Variants in TRAPPC9 observed in about 807,000 individuals in gnomAD.
The protein encoded by TRAPPC9 is IKK2 binding protein.
A neutral mutation model predicts 124.0 loss-of-function variants in TRAPPC9; 83 were observed. That is an observed-to-expected ratio of 0.67 (90% CI 0.56 to 0.80). The LOEUF (loss-of-function observed/expected upper bound fraction) is 0.80, where lower values mean the gene tolerates loss of function less well. Ranked by LOEUF, TRAPPC9 falls within the 30% of genes least tolerant of loss-of-function variation. The probability of loss-of-function intolerance (pLI) is 0.00; values close to 1 mark genes in which losing one functional copy is unlikely to be tolerated. For missense variants in TRAPPC9, 1,302 were observed against 1,508.3 expected, an observed-to-expected ratio of 0.86 and a Z score of 2.27; for synonymous variants, 638 against 617.5, an observed-to-expected ratio of 1.03 and a Z score of -0.49.
At chr8:140,116,417 G>C (rs999904303) in intron 17 of TRAPPC9, among the ~76,000 whole-genome samples, 7 of 152,108 alleles carry the variant, frequency 4.6e-5, no homozygotes, top group African/African-American at 1.4e-4. Context: ...TTCTCTCCTT[G>C]TGAAATTTCA....
intron 17 of TRAPPC9, among the ~76,000 whole-genome samples, chr8:140,125,255 A>G (rs1036631547): frequency 1.3e-5 from 2 of 152,164 alleles, no homozygotes; most frequent in African/African-American, 4.8e-5. Context: ...CTCGGAGGGA[A>G]CCACCAAGCT....
intron 17 of TRAPPC9, among the ~76,000 whole-genome samples, chr8:140,200,007 G>A (rs1365365037): frequency 6.6e-6 from 1 of 152,162 alleles, no homozygotes; most frequent in African/African-American, 2.4e-5. Context: ...AGTTGGTAAA[G>A]CTGCTTCTCA....
At chr8:140,426,707 A>C in intron 4 of TRAPPC9, 66 bp from the exon 5 acceptor site, 2 of 1,474,492 alleles carry the variant, frequency 1.4e-6, no homozygotes, top group Non-Finnish European at 1.9e-6. Flanking sequence ...AATAACTACT[A>C]AAACACATTT....
intron 5 of TRAPPC9, among the ~76,000 whole-genome samples, chr8:140,422,228 G>C (rs9644530): frequency 6.6e-6 from 1 of 150,470 alleles, no homozygotes; most frequent in Non-Finnish European, 1.5e-5. Context: ...CTGTCTCCTA[G>C]AATCGTGAAG....
At chr8:140,234,403 C>A (rs1207156688) in intron 16 of TRAPPC9, among the ~76,000 whole-genome samples, 1 of 152,242 alleles carries the variant, frequency 6.6e-6, no homozygotes, top group Non-Finnish European at 1.5e-5. Context: ...CAGTACTGCA[C>A]AGGCCATTCC....
chr8:139,835,181 G>A (rs1456876530), intron 21 of TRAPPC9, among the ~76,000 whole-genome samples: 1 of 152,212 alleles, frequency 6.6e-6, no homozygotes, highest in Non-Finnish European at 1.5e-5. Context: ...AAATAGGGGA[G>A]TTGGAGGCAA....
chr8:140,357,245 G>C lies in TRAPPC9; in HGVS notation c.1495+2805C>G, dbSNP rs74561012. Among the ~76,000 whole-genome samples, 803 of 152,244 alleles carry C rather than the reference G, an allele frequency of 5.3e-3. 8 individuals carry two copies. Among genetic ancestry groups the C allele is most frequent in the Middle Eastern group, 0.037 (11 of 294 alleles). ...CCCAAGAGGAGTCACATGGTGAAGG[G>C]GCAGGGTGTGGGGACAGGGGAGGTG... On this transcript the variant is annotated intron_variant, in intron 9 of 22. Transcript: ENST00000438773.
At chr8:140,278,229 G>A (rs529381449) in intron 14 of TRAPPC9, among the ~76,000 whole-genome samples, 158 of 152,154 alleles carry the variant, frequency 1.0e-3, no homozygotes, top group African/African-American at 3.5e-3. Flanking sequence ...TCAGCCTCCC[G>A]AGTAGCTGGG....
intron 14 of TRAPPC9, among the ~76,000 whole-genome samples, chr8:140,279,200 T>C (rs1034128694): frequency 6.6e-6 from 1 of 152,242 alleles, no homozygotes; most frequent in Non-Finnish European, 1.5e-5. Flanking sequence ...CAGGGCCAGT[T>C]AGCAAATTTG....
chr8:140,249,589 C>T (rs1475332204), intron 16 of TRAPPC9, among the ~76,000 whole-genome samples: 1 of 142,772 alleles, frequency 7.0e-6, no homozygotes, highest in Non-Finnish European at 1.5e-5. Flanking sequence ...GGCAAATCAT[C>T]TTTCACTCTT....
At chr8:139,834,300 A>G (rs1013654877) in intron 21 of TRAPPC9, among the ~76,000 whole-genome samples, 3 of 152,202 alleles carry the variant, frequency 2.0e-5, no homozygotes, top group Admixed American at 6.5e-5. Flanking sequence ...GGCAGCAGAA[A>G]CCTGACGCAA....
At chr8:139,879,944 G>C (rs1368888100) in intron 21 of TRAPPC9, among the ~76,000 whole-genome samples, 2 of 152,192 alleles carry the variant, frequency 1.3e-5, no homozygotes, top group African/African-American at 4.8e-5. Flanking sequence ...GAGACCAGAA[G>C]CAGGTCTGTG....
rs909480122 is a variant in TRAPPC9 at position 140,385,963 on chromosome 8, G to T, written c.1134+11657C>A. ...ATCCAGCAGCACATCAAAAAGCTTA[G>T]CCACCATGATCAAGTGGGCTTCATC... On this transcript the variant is annotated intron_variant, in intron 7 of 22. Coordinates refer to ENST00000438773, the MANE Select transcript of TRAPPC9 (RefSeq NM_001160372.4). Among the ~76,000 whole-genome samples the T allele has an allele frequency of 9.2e-5, 14 of 152,258 alleles. No individual in the cohort carries two copies. The South Asian group carries it at 2.9e-3, about 32-fold the overall frequency.
intron 21 of TRAPPC9, among the ~76,000 whole-genome samples, chr8:139,813,058 G>A (rs1416954934): frequency 6.6e-6 from 1 of 152,196 alleles, no homozygotes; most frequent in Non-Finnish European, 1.5e-5. Flanking sequence ...CAGCTCTCCT[G>A]AGCTCTACCA....
At chr8:140,028,714 G>A (rs1419605865) in intron 17 of TRAPPC9, among the ~76,000 whole-genome samples, 6 of 152,334 alleles carry the variant, frequency 3.9e-5, no homozygotes, top group East Asian at 1.9e-4. Flanking sequence ...TGGGGCACTC[G>A]AGTCTGGTAA....
intron 16 of TRAPPC9, among the ~76,000 whole-genome samples, chr8:140,231,032 G>C (rs2063579520): frequency 1.3e-5 from 2 of 152,230 alleles, no homozygotes; most frequent in Admixed American, 1.3e-4. Flanking sequence ...CTAGACCATA[G>C]AGTGCTAGGG....
chr8:140,159,812 T>C (rs1038799731), intron 17 of TRAPPC9, among the ~76,000 whole-genome samples: 1 of 152,206 alleles, frequency 6.6e-6, no homozygotes, highest in African/African-American at 2.4e-5. Flanking sequence ...TGAACTGCAA[T>C]GTTCCACATC....
chr8:140,324,071 A>G (rs1472610284), intron 9 of TRAPPC9, among the ~76,000 whole-genome samples: 2 of 152,058 alleles, frequency 1.3e-5, no homozygotes, highest in Admixed American at 1.3e-4. Context: ...GGAGTCCCCA[A>G]AGTCCGTTGT....
chr8:139,731,035 AG>A lies in TRAPPC9; in HGVS notation c.*25del. The stretch of plus-strand genomic sequence containing the variant: ...CAGGCAGGGTCACCTCTGGCCCTGC[AG>A]AAAGAGGGACGGAAGTAGGCGGGCT... On this transcript the variant is annotated 3_prime_UTR_variant, in exon 23 of 23. Transcript: ENST00000438773. 6.2e-7 allele frequency: 1 copy of A among 1,610,420 alleles called. No homozygotes were observed.
Sources: allele counts gnomAD v4.1 joint callset (sites outside exome capture counted in the v4.1 genomes callset), GRCh38; gene constraint gnomAD v4.1.1; transcripts MANE v1.5; gene names NCBI Gene and HGNC (gene_info 2026-07-23, HGNC 2026-07-21).